SMYD3: variants seen among roughly 807,000 people sequenced by gnomAD.
The protein encoded by SMYD3 is SET and MYND domain containing 3, also known as histone-lysine N-methyltransferase SMYD3.
Under a neutral mutation model 57.7 loss-of-function variants are expected in SMYD3, and 36 were observed. The ratio of observed to expected loss-of-function variants is 0.62; its 90% CI spans 0.48 to 0.82. The LOEUF is 0.82. SMYD3 is among the 40% of genes least tolerant of loss of function. The pLI, the probability that SMYD3 is intolerant of heterozygous loss-of-function variation, is 0.00. For synonymous variants in SMYD3, 211 were observed against 195.0 expected (o/e 1.08, Z -0.68); for missense variants, 515 against 538.8 (o/e 0.96, Z 0.44).
At chr1:246,209,838 G>C (rs1056528173) in intron 5 of SMYD3, among the ~76,000 whole-genome samples, 1 of 152,160 alleles carries the variant, frequency 6.6e-6, no homozygotes, top group Non-Finnish European at 1.5e-5. Flanking sequence ...TCTGACTCTA[G>C]TGAATCAAGA....
intron 5 of SMYD3, among the ~76,000 whole-genome samples, chr1:246,122,819 TCA>T (rs1464577457): frequency 6.6e-6 from 1 of 152,190 alleles, no homozygotes; most frequent in Non-Finnish European, 1.5e-5. Flanking sequence ...GGGACTAATT[TCA>T]CATCTGCACT....
At chr1:246,167,702 G>C (rs2062244082) in intron 5 of SMYD3, among the ~76,000 whole-genome samples, 2 of 151,944 alleles carry the variant, frequency 1.3e-5, no homozygotes, top group South Asian at 2.1e-4. Context: ...GGAGAGACAG[G>C]GTTTCTCCAC....
Position 246,097,404 on chromosome 1 carries a change from A to C in SMYD3, c.532-167467T>G, listed in dbSNP as rs192245785. On this transcript the variant is annotated intron_variant, in intron 5 of 11. Transcript: ENST00000490107. The stretch of plus-strand genomic sequence containing the variant: ...GGATGCCGAGATGGTTCCAGCTCAG[A>C]CAAGGTTCCAGGAGAGAGAGCCTAC... Among the ~76,000 whole-genome samples, 6 of 152,274 alleles carry C rather than the reference A, an allele frequency of 3.9e-5. No homozygotes were observed. In the East Asian group the frequency reaches 1.2e-3, roughly 29 times the overall value.
chr1:246,150,381 ACT>A (rs200883679), intron 5 of SMYD3, among the ~76,000 whole-genome samples: 2,217 of 152,182 alleles, frequency 0.015, 33 homozygotes, highest in Middle Eastern at 0.037. Flanking sequence ...AACAAAAATG[ACT>A]CTGGTAAAGT....
chr1:246,199,070 C>A (rs1458612232), intron 5 of SMYD3, among the ~76,000 whole-genome samples: 1 of 152,218 alleles, frequency 6.6e-6, no homozygotes, highest in African/African-American at 2.4e-5. Context: ...CTCCATCACC[C>A]AGGGGGTGAG....
chr1:245,750,854 T>C (rs1213611292), intron 11 of SMYD3, among the ~76,000 whole-genome samples: 3 of 152,016 alleles, frequency 2.0e-5, no homozygotes, highest in African/African-American at 7.2e-5. Flanking sequence ...TACCTGGAAG[T>C]GGCACTGAGG....
At chr1:246,093,588 G>T (rs2060858999) in intron 5 of SMYD3, among the ~76,000 whole-genome samples, 1 of 152,162 alleles carries the variant, frequency 6.6e-6, no homozygotes, top group South Asian at 2.1e-4. Context: ...GAGTAGAGGG[G>T]TGGTTATCAG....
intron 5 of SMYD3, among the ~76,000 whole-genome samples, chr1:246,280,555 C>T (rs375177591): frequency 6.6e-6 from 1 of 152,116 alleles, no homozygotes; most frequent in African/African-American, 2.4e-5. Context: ...CCCAGGCGTT[C>T]GAGTCCAGCC....
chr1:246,343,586 G>A (rs2065664074), intron 2 of SMYD3, among the ~76,000 whole-genome samples: 2 of 152,130 alleles, frequency 1.3e-5, no homozygotes, highest in Non-Finnish European at 2.9e-5. Flanking sequence ...TTGGTAGAAT[G>A]GAATTGAAAA....
At chr1:246,273,014 T>G (rs4654235) in intron 5 of SMYD3, among the ~76,000 whole-genome samples, 57,736 of 151,770 alleles carry the variant, frequency 0.38, 11,593 homozygotes, top group East Asian at 0.72. Context: ...CACAGTTTTT[T>G]ATATTTCCAG....
chr1:245,988,026 T>C (rs1036080682), intron 5 of SMYD3, among the ~76,000 whole-genome samples: 1 of 152,150 alleles, frequency 6.6e-6, no homozygotes, highest in African/African-American at 2.4e-5. Flanking sequence ...CACCGCTCCA[T>C]ACCTCAGAAC....
At chr1:246,198,960 T>A (rs571217571) in intron 5 of SMYD3, among the ~76,000 whole-genome samples, 79 of 152,176 alleles carry the variant, frequency 5.2e-4, no homozygotes, top group African/African-American at 1.8e-3. Context: ...TAATGTAAAT[T>A]TTTGCTTATA....
At chr1:246,272,529 C>T (rs777036422) in intron 5 of SMYD3, among the ~76,000 whole-genome samples, 6 of 152,148 alleles carry the variant, frequency 3.9e-5, no homozygotes, top group Non-Finnish European at 7.4e-5. Flanking sequence ...TGCTTCGATT[C>T]AGATGATCAC....
chr1:246,154,094 A>T (rs1274521222), intron 5 of SMYD3, among the ~76,000 whole-genome samples: 1 of 152,192 alleles, frequency 6.6e-6, no homozygotes, highest in Non-Finnish European at 1.5e-5. Context: ...TACTAAAGGC[A>T]ATCCATCAAT....
chr1:246,283,923 A>C (rs1361802360), intron 5 of SMYD3, among the ~76,000 whole-genome samples: 1 of 152,180 alleles, frequency 6.6e-6, no homozygotes, highest in East Asian at 1.9e-4. Flanking sequence ...AAAATAACAA[A>C]AGGAAGTCAA....
intron 1 of SMYD3, among the ~76,000 whole-genome samples, chr1:246,490,694 C>G (rs2068255854): frequency 6.6e-6 from 1 of 152,116 alleles, no homozygotes; most frequent in South Asian, 2.1e-4. Flanking sequence ...CAGTGAGACT[C>G]TGTTTCTACA....
intron 5 of SMYD3, among the ~76,000 whole-genome samples, chr1:245,952,442 G>GA (rs944942174): frequency 7.2e-5 from 11 of 152,026 alleles, no homozygotes; most frequent in African/African-American, 2.7e-4. Context: ...ACAAGCATAG[G>GA]AAAAAAAATG....
At chr1:246,242,419 C>T (rs984911982) in intron 5 of SMYD3, among the ~76,000 whole-genome samples, 2 of 152,114 alleles carry the variant, frequency 1.3e-5, no homozygotes, top group African/African-American at 2.4e-5. Context: ...GTTTCTTAAT[C>T]CTGAGTTCTA....
chr1:245,923,416 T>A (rs2147814544), intron 7 of SMYD3, among the ~76,000 whole-genome samples: 1 of 152,256 alleles, frequency 6.6e-6, no homozygotes, highest in South Asian at 2.1e-4. Flanking sequence ...GACCAGCCAA[T>A]GTTATGAAAC....
Sources: gnomAD v4.1 joint callset for allele counts (sites outside exome capture counted in the v4.1 genomes callset) on GRCh38, gnomAD v4.1.1 for gene constraint, MANE v1.5 for transcripts, NCBI Gene and HGNC (gene_info 2026-07-23, HGNC 2026-07-21) for gene names.